The following DNAH3 variants were observed in gnomAD, a reference collection of about 807,000 sequenced individuals.
DNAH3 encodes the protein axonemal beta dynein heavy chain 3.
DNAH3 carries 332 observed loss-of-function variants against 432.5 expected under a neutral mutation model. The ratio of observed to expected loss-of-function variants is 0.77; its 90% CI spans 0.70 to 0.84. DNAH3 has a LOEUF of 0.84. DNAH3 is among the 40% of genes least tolerant of loss of function. The pLI is 0.00. For synonymous variants in DNAH3, 1,956 were observed against 1,900.2 expected, an observed-to-expected ratio of 1.03 and a Z score of -0.76; for missense variants, 4,861 against 5,114.0, an observed-to-expected ratio of 0.95 and a Z score of 1.51.
chr16:20,950,594 G>C (rs2084267751), intron 56 of DNAH3, among the ~76,000 whole-genome samples: 1 of 152,146 alleles, frequency 6.6e-6, no homozygotes. Context: ...TTAATCACAG[G>C]TATACAGTGT....
At chr16:21,011,853 T>A (rs1293955480) in intron 41 of DNAH3, among the ~76,000 whole-genome samples, 2 of 152,164 alleles carry the variant, frequency 1.3e-5, no homozygotes, top group Non-Finnish European at 2.9e-5. Context: ...ATAATAGCAA[T>A]AAAATTGCTC....
intron 12 of DNAH3, among the ~76,000 whole-genome samples, chr16:21,115,690 G>C (rs1249422495): frequency 6.6e-6 from 1 of 150,546 alleles, no homozygotes; most frequent in Admixed American, 6.7e-5. Flanking sequence ...CTGGGTGACA[G>C]AGCGAGATGC....
chr16:21,088,962 A>G (rs528843822), intron 18 of DNAH3, among the ~76,000 whole-genome samples: 11 of 152,358 alleles, frequency 7.2e-5, no homozygotes, highest in African/African-American at 2.6e-4. Context: ...GATCAAAGGC[A>G]GATAATAAAG....
At chr16:21,155,875 A>T (rs1449618634) in intron 1 of DNAH3, among the ~76,000 whole-genome samples, 1 of 152,166 alleles carries the variant, frequency 6.6e-6, no homozygotes, top group African/African-American at 2.4e-5. Context: ...CACATTTCTT[A>T]TTCAGAGGCT....
chr16:20,940,964 G>C (rs2083784006), intron 59 of DNAH3, among the ~76,000 whole-genome samples: 1 of 152,104 alleles, frequency 6.6e-6, no homozygotes, highest in African/African-American at 2.4e-5. Flanking sequence ...AGCCAGCATG[G>C]TGGCCTGTGT....
rs559214558 is a variant in DNAH3, at chr16:21,094,418, C to A, written c.2665+2937G>T. 2.6e-5 allele frequency among the ~76,000 whole-genome samples: 4 copies of A among 152,202 alleles called. No homozygotes were observed. In the South Asian group the frequency reaches 8.3e-4, roughly 32 times the overall value. On this transcript the variant is annotated intron_variant, in intron 18 of 61. Transcript: ENST00000261383. The stretch of plus-strand genomic sequence containing the variant: ...AAGCACAGTGGCTCACACCTGTAAT[C>A]CCAGCACTTTGGGAGGCCGAGGCAG...
intron 54 of DNAH3, among the ~76,000 whole-genome samples, chr16:20,958,830 C>A (rs111865434): frequency 4.6e-5 from 7 of 152,232 alleles, no homozygotes; most frequent in Admixed American, 4.6e-4. Flanking sequence ...TGCAGTGATA[C>A]GATCCCTGCT....
Position 20,948,768 on chromosome 16 carries a change from G to C in DNAH3, c.11189-131C>G, listed in dbSNP as rs2084174502. On this transcript the variant is annotated intron_variant, in intron 56 of 61. Transcript: ENST00000261383. ...ACATAGTGATAGGGACAGCAAGCAG[G>C]AAAATTCCGGGCAGAAGATGGCGGG... 7.0e-6 allele frequency: 7 copies of C among 998,916 alleles called. No individual in the cohort carries two copies. In the Admixed American group the frequency reaches 1.7e-4, roughly 24 times the overall value. The allele number at this position is 998,916 out of a possible 1,614,324, so 61.9% of individuals were successfully genotyped here.
At chr16:21,052,226 A>G (rs1478688127) in intron 28 of DNAH3, among the ~76,000 whole-genome samples, 1 of 152,138 alleles carries the variant, frequency 6.6e-6, no homozygotes, top group Non-Finnish European at 1.5e-5. Context: ...TTCTAACCTC[A>G]AGTGATCCGC....
At chr16:21,039,856 T>C (rs1355666934) in exon 33 of DNAH3, 2 of 1,611,068 alleles carry the variant, frequency 1.2e-6, no homozygotes, top group South Asian at 2.2e-5. Flanking sequence ...ACACACCTTC[T>C]GGAGTCCAGA....
At chr16:20,933,432 C>T in exon 62 of DNAH3, 1 of 1,614,052 alleles carries the variant, frequency 6.2e-7, no homozygotes, top group Non-Finnish European at 8.5e-7. Flanking sequence ...TCCCAACGGG[C>T]ACCTTCTAAG....
chr16:21,098,151 A>G (rs2091736626), intron 17 of DNAH3, among the ~76,000 whole-genome samples: 1 of 152,212 alleles, frequency 6.6e-6, no homozygotes, highest in East Asian at 1.9e-4. Context: ...GGTAGTTGAA[A>G]GTACCAGTGA....
chr16:21,002,490 T>C (rs1323545928), intron 42 of DNAH3, among the ~76,000 whole-genome samples: 1 of 150,772 alleles, frequency 6.6e-6, no homozygotes, highest in Non-Finnish European at 1.5e-5. Flanking sequence ...AGACAGAGTT[T>C]TGCTCTTGTC....
chr16:21,002,214 A>T (rs2087054504), intron 42 of DNAH3, among the ~76,000 whole-genome samples: 1 of 152,172 alleles, frequency 6.6e-6, no homozygotes, highest in Non-Finnish European at 1.5e-5. Context: ...TCAGAAAGAT[A>T]AACTATGCCC....
At chr16:21,136,406 C>T (rs147151220) in exon 6 of DNAH3, 14 of 1,613,936 alleles carry the variant, frequency 8.7e-6, no homozygotes, top group Non-Finnish European at 1.1e-5. Flanking sequence ...GGAAGGGACT[C>T]GTCAGCAGCG....
intron 28 of DNAH3, among the ~76,000 whole-genome samples, 185 bp from the exon 29 acceptor site, chr16:21,052,053 G>A (rs981879125): frequency 1.3e-5 from 2 of 151,984 alleles, no homozygotes; most frequent in South Asian, 2.1e-4. Context: ...GTGCAATGGC[G>A]CGATCTCGGC....
exon 61 of DNAH3, chr16:20,935,408 G>T (rs1370106416): frequency 3.1e-6 from 5 of 1,613,062 alleles, no homozygotes; most frequent in Non-Finnish European, 4.2e-6. Flanking sequence ...AATTTTGAGA[G>T]ACGCCAGTCA....
At chr16:20,993,556 G>A (rs2086643122) in intron 44 of DNAH3, among the ~76,000 whole-genome samples, 1 of 152,078 alleles carries the variant, frequency 6.6e-6, no homozygotes, top group Non-Finnish European at 1.5e-5. Context: ...ATTTCCTTAA[G>A]TATCTTAAAT....
chr16:21,152,732 AGCACCCCG>A, intron 1 of DNAH3, among the ~76,000 whole-genome samples: 1 of 152,222 alleles, frequency 6.6e-6, no homozygotes, highest in African/African-American at 2.4e-5. Flanking sequence ...TGAGGGGCTT[AGCACCCCG>A]GCCAGCGGCT....
Sources: gnomAD v4.1 joint callset for allele counts (sites outside exome capture counted in the v4.1 genomes callset) on GRCh38, gnomAD v4.1.1 for gene constraint, MANE v1.5 for transcripts, NCBI Gene and HGNC (gene_info 2026-07-23, HGNC 2026-07-21) for gene names.